Variants in ERP44 observed in about 807,000 individuals in gnomAD.
ERP44 encodes the protein endoplasmic reticulum resident protein 44.
In ERP44, 25 loss-of-function variants were observed where a neutral mutation model predicts 53.4. The observed-to-expected ratio is 0.47, with a 90% CI of 0.34 to 0.65. The LOEUF (loss-of-function observed/expected upper bound fraction) is 0.65, where lower values mean the gene tolerates loss of function less well. Ranked by LOEUF, ERP44 falls within the 30% of genes least tolerant of loss-of-function variation. The probability of loss-of-function intolerance (pLI) is 0.01; values close to 1 mark genes in which losing one functional copy is unlikely to be tolerated. For missense variants in ERP44, 338 were observed against 493.2 expected (o/e 0.69, Z 2.98); for synonymous variants, 145 against 161.2 (o/e 0.90, Z 0.76).
intron 1 of ERP44, among the ~76,000 whole-genome samples, chr9:100,068,604 C>A (rs1176345772): frequency 2.1e-5 from 3 of 143,302 alleles, no homozygotes; most frequent in Non-Finnish European, 4.6e-5. Flanking sequence ...GCTGCCCCGT[C>A]CGGGAGGGAG....
At chr9:99,987,427 TTTTG>T (rs1830206288) in intron 10 of ERP44, among the ~76,000 whole-genome samples, 1 of 152,256 alleles carries the variant, frequency 6.6e-6, no homozygotes, top group Admixed American at 6.5e-5. Flanking sequence ...CCAGTTACTT[TTTTG>T]TTTATTTACA....
intron 10 of ERP44, among the ~76,000 whole-genome samples, chr9:99,989,858 C>T (rs550542732): frequency 2.0e-5 from 3 of 152,100 alleles, no homozygotes; most frequent in African/African-American, 7.2e-5. Flanking sequence ...AACCATGGCA[C>T]GAGAACTATG....
At chr9:100,098,763 G>A (rs757709031) in intron 1 of ERP44, 21 bp downstream of exon 1, 1 of 1,609,224 alleles carries the variant, frequency 6.2e-7, no homozygotes, top group Non-Finnish European at 8.5e-7. Flanking sequence ...TTGTCGATGG[G>A]TCTGTCATTC....
chr9:99,990,078 A>G (rs1014708676), intron 10 of ERP44, among the ~76,000 whole-genome samples: 1 of 152,256 alleles, frequency 6.6e-6, no homozygotes, highest in Non-Finnish European at 1.5e-5. Flanking sequence ...GAATGGAACC[A>G]GGCTGGAAAA....
At chr9:100,033,979 G>T (rs1825824562) in intron 4 of ERP44, among the ~76,000 whole-genome samples, 1 of 152,158 alleles carries the variant, frequency 6.6e-6, no homozygotes, top group South Asian at 2.1e-4. Context: ...CCTTGTAAAA[G>T]AGAGAGGGAA....
intron 10 of ERP44, among the ~76,000 whole-genome samples, chr9:99,992,421 G>A (rs1830265796): frequency 6.6e-6 from 1 of 152,132 alleles, no homozygotes; most frequent in Non-Finnish European, 1.5e-5. Context: ...AAAACCACAG[G>A]ATTATCTCAA....
rs1017342464 is a variant in ERP44, at chr9:99,999,161, CCCCCGACCCTGT to C, written c.1016+7333_1016+7344del. ...CCGCGCTGGGAGGCCAGGGCTCCGC[CCCCCGACCCTGT>C]CCCCCGCCCCTCCCCCTCCGCTCAA... On this transcript the variant is annotated intron_variant, in intron 10 of 11. Coordinates refer to ENST00000262455, the MANE Select transcript of ERP44 (RefSeq NM_015051.3). 1.6e-5 allele frequency: 9 copies of C among 548,322 alleles called. No individual in the cohort carries two copies. The African/African-American group carries it at 1.7e-4, about 11-fold the overall frequency. The allele number at this position is 548,322 out of a possible 1,614,324, so 34.0% of individuals were successfully genotyped here. A position where few individuals can be genotyped will look rare whatever the true frequency, so the allele number is the denominator to read the frequency against.
intron 1 of ERP44, among the ~76,000 whole-genome samples, chr9:100,063,339 G>C (rs1235041794): frequency 4.6e-5 from 7 of 151,952 alleles, no homozygotes; most frequent in African/African-American, 1.7e-4. Context: ...CTCCCTGTAG[G>C]GTGTAAAGGA....
intron 8 of ERP44, among the ~76,000 whole-genome samples, chr9:100,008,825 C>T (rs946191793): frequency 9.2e-5 from 14 of 152,066 alleles, no homozygotes; most frequent in African/African-American, 1.9e-4. Context: ...AGTACAGCCT[C>T]GACCTCCCCA....
At chr9:99,995,098 C>G (rs968238214) in intron 10 of ERP44, among the ~76,000 whole-genome samples, 2 of 151,250 alleles carry the variant, frequency 1.3e-5, no homozygotes, top group African/African-American at 4.9e-5. Context: ...TTTTCCCCCT[C>G]CTTTTGGAGC....
chr9:99,984,863 C>T (rs536426816), intron 11 of ERP44, 104 bp downstream of exon 11: 3 of 628,204 alleles, frequency 4.8e-6, no homozygotes, highest in African/African-American at 3.7e-5. Flanking sequence ...CACAAATATT[C>T]AGAAGCTGAA....
chr9:100,015,799 G>A (rs1453655173), intron 8 of ERP44, among the ~76,000 whole-genome samples: 1 of 152,124 alleles, frequency 6.6e-6, no homozygotes, highest in East Asian at 1.9e-4. Context: ...CAGATCATCA[G>A]GCATTAGTTA....
intron 1 of ERP44, 131 bp downstream of exon 1, chr9:100,098,653 G>A (rs1289928289): frequency 2.9e-6 from 2 of 694,836 alleles, no homozygotes. Context: ...TGAGGGCAGC[G>A]GGGGAGGGTG....
intron 4 of ERP44, among the ~76,000 whole-genome samples, chr9:100,041,205 A>C (rs1825897156): frequency 6.6e-6 from 1 of 152,230 alleles, no homozygotes; most frequent in Admixed American, 6.5e-5. Context: ...ATCTTAAGCA[A>C]AAAGAACAAA....
chr9:99,983,510 A>G (rs1232954325), intron 11 of ERP44, among the ~76,000 whole-genome samples: 3 of 144,568 alleles, frequency 2.1e-5, no homozygotes, highest in African/African-American at 5.1e-5. Flanking sequence ...GCGCCACTGC[A>G]GTCCGCAGTC....
rs35674225 is a variant in ERP44 at position 100,024,152 on chromosome 9, TCAACAACAACAACAACAA to T, written c.287-1944_287-1927del. 2.0e-3 allele frequency among the ~76,000 whole-genome samples: 306 copies of T among 149,442 alleles called. 1 individual carries two copies. The highest frequency in any genetic ancestry group is 7.3e-3 in the African/African-American group (293 of 40,238). On this transcript the variant is annotated intron_variant, in intron 4 of 11. Coordinates refer to ENST00000262455, the MANE Select transcript of ERP44 (RefSeq NM_015051.3). Reference sequence around the variant, plus strand: ...CTGGGTGACAGAGTGAAACCCTGACTCAACAACAACAACAACAACAACAACAACAACAACAACAACAAA... The same window carrying T: ...CTGGGTGACAGAGTGAAACCCTGACTCAACAACAACAACAACAACAACAAA...
intron 4 of ERP44, among the ~76,000 whole-genome samples, chr9:100,036,699 T>C (rs7042912): frequency 0.67 from 102,415 of 152,108 alleles, 35,641 homozygotes; most frequent in East Asian, 0.91. Flanking sequence ...TCCTGTCATT[T>C]GTGGCAACAT....
chr9:100,034,614 C>T (rs752743875), intron 4 of ERP44, among the ~76,000 whole-genome samples: 7 of 151,960 alleles, frequency 4.6e-5, no homozygotes, highest in Admixed American at 6.6e-5. Context: ...AGAAATACAA[C>T]CCAGCCAGTC....
intron 1 of ERP44, among the ~76,000 whole-genome samples, chr9:100,068,247 G>C (rs1335725111): frequency 6.9e-6 from 1 of 145,718 alleles, no homozygotes; most frequent in Non-Finnish European, 1.5e-5. Context: ...CCGTACGGAA[G>C]GTGAGGGGCG....
Sources: gnomAD v4.1 joint callset for allele counts (sites outside exome capture counted in the v4.1 genomes callset) on GRCh38, gnomAD v4.1.1 for gene constraint, MANE v1.5 for transcripts, NCBI Gene and HGNC (gene_info 2026-07-23, HGNC 2026-07-21) for gene names.